The following KIF13B variants were observed in gnomAD, a reference collection of about 807,000 sequenced individuals.
KIF13B encodes the protein kinesin-like protein KIF13B.
In KIF13B, 127 loss-of-function variants were observed where a neutral mutation model predicts 222.0. The ratio of observed to expected loss-of-function variants is 0.57; its 90% CI spans 0.50 to 0.66. The LOEUF is 0.66. KIF13B is among the 30% of genes least tolerant of loss of function. The pLI is 0.00. For synonymous variants in KIF13B, 976 were observed against 919.0 expected (o/e 1.06, Z -1.12); for missense variants, 2,173 against 2,379.0 (o/e 0.91, Z 1.80).
At chr8:29,236,990 A>G (rs1317192997) in intron 2 of KIF13B, among the ~76,000 whole-genome samples, 4 of 152,162 alleles carry the variant, frequency 2.6e-5, no homozygotes, top group African/African-American at 9.6e-5. Context: ...ATTTAATGGA[A>G]CTAAGGATTG....
chr8:29,079,136 C>T (rs941930131), intron 37 of KIF13B, among the ~76,000 whole-genome samples: 12 of 152,296 alleles, frequency 7.9e-5, no homozygotes, highest in Admixed American at 2.0e-4. Context: ...CTCTACTAGG[C>T]CACTCAGAAT....
At chr8:29,249,962 A>G (rs1449090733) in intron 1 of KIF13B, 3 of 1,150,136 alleles carry the variant, frequency 2.6e-6, no homozygotes, top group Non-Finnish European at 3.5e-6. Flanking sequence ...CACTGCAACA[A>G]GTTTTCAAAC....
intron 31 of KIF13B, among the ~76,000 whole-genome samples, chr8:29,114,048 T>C (rs1809481883): frequency 5.9e-5 from 9 of 152,210 alleles, no homozygotes. Flanking sequence ...GCACGGTCAT[T>C]GTTTATGCTG....
chr8:29,105,694 T>C (rs1011632397), intron 35 of KIF13B, among the ~76,000 whole-genome samples: 6 of 130,882 alleles, frequency 4.6e-5, no homozygotes, highest in Non-Finnish European at 4.7e-5. Context: ...AGTCTCGCTC[T>C]GTCGCCCAGG....
intron 1 of KIF13B, among the ~76,000 whole-genome samples, chr8:29,258,920 T>C (rs1282377217): frequency 1.3e-5 from 2 of 152,170 alleles, no homozygotes; most frequent in African/African-American, 4.8e-5. Flanking sequence ...AAAGCATGCT[T>C]TAAGAAACTG....
intron 37 of KIF13B, among the ~76,000 whole-genome samples, chr8:29,092,268 GTT>G (rs1808334860): frequency 6.6e-6 from 1 of 152,204 alleles, no homozygotes; most frequent in Non-Finnish European, 1.5e-5. Context: ...TGGGTAAAGA[GTT>G]TTAAGAGAAA....
chr8:29,071,542 T>C lies in KIF13B; in HGVS notation c.5218+78A>G. 7.6e-7 allele frequency: 1 copy of C among 1,316,032 alleles called. No homozygotes were observed. The highest frequency in any genetic ancestry group is 1.1e-6 in the Non-Finnish European group (1 of 948,274). The allele number at this position is 1,316,032 out of a possible 1,614,324, so 81.5% of individuals were successfully genotyped here. On this transcript the variant is annotated intron_variant, in intron 39 of 39. Coordinates refer to ENST00000524189, the MANE Select transcript of KIF13B (RefSeq NM_015254.4). The surrounding 1 kb of genome is among the most constrained non-coding windows in gnomAD (Gnocchi z 4.9). ...CCCTCCCTCTCCTGCCCGGACCCTG[T>C]CCCCTCCCAGGCCGGCCACGTTCCT...
intron 10 of KIF13B, among the ~76,000 whole-genome samples, chr8:29,175,713 G>C (rs529072901): frequency 1.3e-5 from 2 of 152,366 alleles, no homozygotes; most frequent in South Asian, 4.1e-4. Context: ...TGGAAGGCCA[G>C]GGTGGCCCAG....
intron 35 of KIF13B, among the ~76,000 whole-genome samples, chr8:29,103,241 CAAAAAAAAAA>C (rs55959844): frequency 1.2e-5 from 1 of 83,636 alleles, no homozygotes; most frequent in Admixed American, 1.4e-4. Flanking sequence ...GACTCTGTCT[CAAAAAAAAAA>C]AAAAAAAACA....
At chr8:29,185,127 G>A (rs556905563) in intron 6 of KIF13B, among the ~76,000 whole-genome samples, 5 of 151,966 alleles carry the variant, frequency 3.3e-5, no homozygotes, top group South Asian at 2.1e-4. Flanking sequence ...CCTACTCTCC[G>A]ACCACACTGA....
chr8:29,101,845 C>T (rs1370135064), intron 35 of KIF13B, among the ~76,000 whole-genome samples: 2 of 152,118 alleles, frequency 1.3e-5, no homozygotes, highest in Non-Finnish European at 2.9e-5. Flanking sequence ...AACTGGGTAC[C>T]ACGCGCTTCC....
intron 14 of KIF13B, among the ~76,000 whole-genome samples, chr8:29,153,859 A>G (rs573990631): frequency 6.6e-6 from 1 of 152,274 alleles, no homozygotes; most frequent in South Asian, 2.1e-4. Flanking sequence ...AGAGATGCCA[A>G]TCACCTCAAC....
At chr8:29,199,574 C>CAAAAAAAAAAAAAAAAAAAAAAA (rs10579222) in intron 2 of KIF13B, among the ~76,000 whole-genome samples, 1 of 119,458 alleles carries the variant, frequency 8.4e-6, no homozygotes, top group Non-Finnish European at 1.7e-5. Context: ...TTCCAAAATC[C>CAAAAAAAAAAAAAAAAAAAAAAA]AAAAAAAAAA....
chr8:29,083,530 ATT>A (rs56267014), intron 37 of KIF13B, among the ~76,000 whole-genome samples: 13,045 of 152,200 alleles, frequency 0.086, 732 homozygotes, highest in South Asian at 0.15. Context: ...ACATTTCATT[ATT>A]TTTCAGATCA....
At chr8:29,262,389 G>T (rs1467297660) in intron 1 of KIF13B, among the ~76,000 whole-genome samples, 1 of 152,220 alleles carries the variant, frequency 6.6e-6, no homozygotes, top group African/African-American at 2.4e-5. Flanking sequence ...ACAACGAAAA[G>T]GGCATCTCCT....
At chr8:29,106,816 T>C (rs1809093739) in intron 35 of KIF13B, among the ~76,000 whole-genome samples, 1 of 152,166 alleles carries the variant, frequency 6.6e-6, no homozygotes, top group Admixed American at 6.5e-5. Context: ...GCCAATCTTC[T>C]GTCTCTGTCA....
chr8:29,261,780 C>A lies in KIF13B; in HGVS notation c.55+1200G>T, dbSNP rs191611860. ...CAGCTTTAATCGGACCTAGCAGGAA[C>A]AGGACAAAACAATTCCCATAGATGA... On this transcript the variant is annotated intron_variant, in intron 1 of 39. Coordinates refer to ENST00000524189, the MANE Select transcript of KIF13B (RefSeq NM_015254.4). Among the ~76,000 whole-genome samples the A allele has an allele frequency of 5.0e-3, 737 of 147,460 alleles. 5 individuals carry two copies. Among genetic ancestry groups the A allele is most frequent in the African/African-American group, 0.018 (692 of 38,710 alleles).
intron 35 of KIF13B, among the ~76,000 whole-genome samples, chr8:29,099,647 C>T (rs1313804387): frequency 1.3e-5 from 2 of 152,178 alleles, no homozygotes; most frequent in Non-Finnish European, 2.9e-5. Context: ...ACTGGCATTA[C>T]AGGTGTGAGC....
At chr8:29,165,909 T>TGTAGATCGAAGTACCTCGAG in intron 11 of KIF13B, 137 bp from the exon 12 acceptor site, 1 of 528,360 alleles carries the variant, frequency 1.9e-6, no homozygotes, top group South Asian at 2.6e-5. Flanking sequence ...TCTACTTCGA[T>TGTAGATCGAAGTACCTCGAG]TGTAGATCGA....
Sources: gnomAD v4.1 joint callset for allele counts (sites outside exome capture counted in the v4.1 genomes callset) on GRCh38, gnomAD v4.1.1 for gene constraint, Gnocchi (gnomAD v3.1) non-coding constraint, MANE v1.5 for transcripts, NCBI Gene and HGNC (gene_info 2026-07-23, HGNC 2026-07-21) for gene names.